SCTR: variants seen among roughly 807,000 people sequenced by gnomAD.
The protein encoded by SCTR is secretin receptor.
Under a neutral mutation model 60.8 loss-of-function variants are expected in SCTR, and 56 were observed. That is an observed-to-expected ratio of 0.92 (90% confidence interval 0.74 to 1.15). SCTR has a LOEUF of 1.15. SCTR is among the 50% of genes most tolerant of loss of function. SCTR has a pLI of 0.00. For synonymous variants in SCTR, 202 were observed against 217.0 expected, an observed-to-expected ratio of 0.93 and a Z score of 0.61; for missense variants, 562 against 550.4, an observed-to-expected ratio of 1.02 and a Z score of -0.21.
chr2:119,456,988 C>T (rs1406515323), intron 7 of SCTR, among the ~76,000 whole-genome samples: 2 of 152,178 alleles, frequency 1.3e-5, no homozygotes, highest in African/African-American at 2.4e-5. Context: ...CAAAAGAAAC[C>T]AACCCTGCCA....
intron 11 of SCTR, among the ~76,000 whole-genome samples, chr2:119,443,230 G>A (rs1324157075): frequency 4.6e-5 from 7 of 152,172 alleles, no homozygotes; most frequent in East Asian, 3.9e-4. Context: ...AATTTCCACC[G>A]TGATTCTGCG....
intron 4 of SCTR, 56 bp from the exon 5 acceptor site, chr2:119,465,942 T>A (rs902255439): frequency 8.1e-7 from 1 of 1,236,846 alleles, no homozygotes; most frequent in Admixed American, 1.7e-5. Flanking sequence ...CTCTGCCTTC[T>A]GTGCCTCACT....
chr2:119,462,971 T>A (rs1683677268), intron 6 of SCTR, among the ~76,000 whole-genome samples: 1 of 152,190 alleles, frequency 6.6e-6, no homozygotes. Context: ...TTAAGGCTCC[T>A]GACTCCCAGC....
chr2:119,442,808 A>G (rs1305655453), intron 11 of SCTR, among the ~76,000 whole-genome samples: 1 of 152,148 alleles, frequency 6.6e-6, no homozygotes, highest in Non-Finnish European at 1.5e-5. Context: ...ATCCCCACAC[A>G]GTTCCAAAAA....
At chr2:119,516,521 A>C (rs1045642029) in intron 1 of SCTR, among the ~76,000 whole-genome samples, 4 of 152,164 alleles carry the variant, frequency 2.6e-5, no homozygotes, top group Non-Finnish European at 5.9e-5. Flanking sequence ...AGTTGAATAC[A>C]AAGCAGCAGG....
intron 1 of SCTR, among the ~76,000 whole-genome samples, chr2:119,520,816 C>T (rs1439086303): frequency 6.6e-6 from 1 of 152,182 alleles, no homozygotes; most frequent in East Asian, 1.9e-4. Flanking sequence ...GATGCCGTAT[C>T]ACCAACCCCA....
intron 7 of SCTR, among the ~76,000 whole-genome samples, chr2:119,459,025 G>C (rs527907811): frequency 6.6e-6 from 1 of 152,192 alleles, no homozygotes; most frequent in Non-Finnish European, 1.5e-5. Context: ...AAAGCTTTGG[G>C]TAAGTGTTAA....
At chr2:119,472,831 C>A (rs10181700) in intron 4 of SCTR, among the ~76,000 whole-genome samples, 120,496 of 151,386 alleles carry the variant, frequency 0.8, 48,526 homozygotes, top group East Asian at 0.87. Context: ...TTTTGTAGAT[C>A]CAATGTTTCA....
intron 1 of SCTR, among the ~76,000 whole-genome samples, chr2:119,497,421 C>G (rs951298476): frequency 6.6e-6 from 1 of 151,672 alleles, no homozygotes; most frequent in African/African-American, 2.4e-5. Flanking sequence ...ATGAAAATGT[C>G]TATCTTTCAT....
rs117815071 is a variant in SCTR, at chr2:119,469,615, G to A, written c.406-3729C>T. On this transcript the variant is annotated intron_variant, in intron 4 of 12. Coordinates refer to ENST00000019103, the MANE Select transcript of SCTR (RefSeq NM_002980.3). ...AAGCAATCTTCCTGCCTTAACCTCC[G>A]AGTAGCTAAGACTACAGGCAAGTGC... 5.8e-3 allele frequency among the ~76,000 whole-genome samples: 886 copies of A among 152,196 alleles called. 18 individuals are homozygous for A. In the East Asian group the frequency reaches 0.059, roughly 10 times the overall value.
chr2:119,517,064 C>T (rs1192639516), intron 1 of SCTR, among the ~76,000 whole-genome samples: 1 of 151,278 alleles, frequency 6.6e-6, no homozygotes, highest in Non-Finnish European at 1.5e-5. Context: ...CACACACATG[C>T]ACACAAATGG....
intron 4 of SCTR, among the ~76,000 whole-genome samples, chr2:119,467,559 A>G (rs1488050397): frequency 6.6e-6 from 1 of 152,204 alleles, no homozygotes; most frequent in Non-Finnish European, 1.5e-5. Flanking sequence ...TCTGGAAGGT[A>G]ATATAGAAAT....
intron 1 of SCTR, among the ~76,000 whole-genome samples, chr2:119,508,377 CTTCTTCTTT>C (rs1678822213): frequency 7.9e-6 from 1 of 125,946 alleles, no homozygotes; most frequent in Non-Finnish European, 1.6e-5. Flanking sequence ...TCTTCTTCTT[CTTCTTCTTT>C]TTTTTTTTTT....
At chr2:119,507,477 CA>C (rs1678778067) in intron 1 of SCTR, among the ~76,000 whole-genome samples, 3 of 152,100 alleles carry the variant, frequency 2.0e-5, no homozygotes, top group African/African-American at 7.2e-5. Context: ...TGCCATTTGT[CA>C]GGGGAATAGG....
chr2:119,473,833 C>T (rs956763975), intron 3 of SCTR, among the ~76,000 whole-genome samples: 1 of 152,212 alleles, frequency 6.6e-6, no homozygotes, highest in African/African-American at 2.4e-5. Context: ...ATCCCAGGCC[C>T]TGCCACCGTT....
intron 2 of SCTR, among the ~76,000 whole-genome samples, chr2:119,480,240 G>T (rs1033122948): frequency 1.3e-5 from 2 of 152,188 alleles, no homozygotes; most frequent in African/African-American, 4.8e-5. Context: ...TAATTATGAA[G>T]GAAAGAGGTT....
chr2:119,461,719 A>T, intron 7 of SCTR, 128 bp downstream of exon 7: 1 of 702,650 alleles, frequency 1.4e-6, no homozygotes, highest in Non-Finnish European at 2.1e-6. Context: ...CTCAAAAAAA[A>T]AAAAAAAAAA....
At chr2:119,473,325 C>T (rs2579640) in intron 4 of SCTR, 128 bp downstream of exon 4, 500,800 of 640,892 alleles carry the variant, frequency 0.78, 201,585 homozygotes, top group East Asian at 0.91. Flanking sequence ...CAGGGGGTAG[C>T]CCTTACATCC....
rs115072381 is a variant in SCTR at position 119,453,081 on chromosome 2, G to A, written c.851+206C>T. Among the ~76,000 whole-genome samples, 386 of 152,314 alleles carry A rather than the reference G, an allele frequency of 2.5e-3. 1 individual carries two copies. Among genetic ancestry groups the A allele is most frequent in the African/African-American group, 9.1e-3 (377 of 41,570 alleles). ...GGACAGGCAGCAAGAAGACAGGAAG[G>A]CCAGGACAGTGCAGGCATGGCCAAG... On this transcript the variant is annotated intron_variant, in intron 8 of 12. Coordinates refer to ENST00000019103, the MANE Select transcript of SCTR (RefSeq NM_002980.3).
Sources: allele counts gnomAD v4.1 joint callset (sites outside exome capture counted in the v4.1 genomes callset), GRCh38; gene constraint gnomAD v4.1.1; transcripts MANE v1.5; gene names NCBI Gene and HGNC (gene_info 2026-07-23, HGNC 2026-07-21).